The following DNAH6 variants were observed in gnomAD, a reference collection of about 807,000 sequenced individuals.
DNAH6 encodes the protein dynein axonemal heavy chain 6, also known as axonemal beta dynein heavy chain 6.
A neutral mutation model predicts 491.4 loss-of-function variants in DNAH6; 340 were observed. The ratio of observed to expected loss-of-function variants is 0.69; its 90% CI spans 0.63 to 0.76. The LOEUF (loss-of-function observed/expected upper bound fraction) is 0.76. Ranked by LOEUF, DNAH6 falls within the 30% of genes least tolerant of loss-of-function variation. DNAH6 has a pLI of 0.00. For synonymous variants in DNAH6, 1,603 were observed against 1,686.1 expected, an observed-to-expected ratio of 0.95 and a Z score of 1.21; for missense variants, 4,443 against 4,972.2, an observed-to-expected ratio of 0.89 and a Z score of 3.20.
chr2:84,508,543 A>T, the DNAH6 span, among the ~76,000 whole-genome samples: 3 of 152,154 alleles, frequency 2.0e-5, no homozygotes, highest in African/African-American at 7.2e-5. Context: ...GATTTTTTGA[A>T]GGGTTTTTAT....
rs1213228323 is a variant in DNAH6, at chr2:84,573,519, A to C, written c.1856A>C (p.Glu619Ala). 5.7e-6 allele frequency: 9 copies of C among 1,591,970 alleles called. No individual in the cohort carries two copies. Among genetic ancestry groups the C allele is most frequent in the East Asian group, 4.6e-5 (2 of 43,626 alleles). ...ESARIYAATF[E>A]KFQIFFKENE... ...GCCCGCATCTATGCAGCTACCTTTGAAAAGTTCCAGATATTCTTCAAGGAA... is the reference window on the plus strand; with the variant it reads ...GCCCGCATCTATGCAGCTACCTTTGCAAAGTTCCAGATATTCTTCAAGGAA... Residue 619 changes from glutamate (E) to alanine (A), a missense_variant, in exon 12 of 77, where the codon GAA (glutamate) becomes GCA (alanine). By Grantham distance (107) the Glu-to-Ala change is moderately radical. This residue lies in a region of DNAH6 where 2,977 missense variants were observed against 3,296.6 expected (regional missense o/e 0.90). Transcript: ENST00000389394.
chr2:84,489,216 C>G, the DNAH6 span, among the ~76,000 whole-genome samples: 1 of 152,064 alleles, frequency 6.6e-6, no homozygotes, highest in African/African-American at 2.4e-5. Flanking sequence ...GGGTCAACAT[C>G]TAATTGAATA....
At chr2:84,564,035 G>T (rs1680924472) in intron 11 of DNAH6, among the ~76,000 whole-genome samples, 1 of 151,988 alleles carries the variant, frequency 6.6e-6, no homozygotes, top group African/African-American at 2.4e-5. Flanking sequence ...TGGGTTTTCT[G>T]TTCTGTTCTC....
At chr2:84,628,211 T>C (rs917553005) in intron 29 of DNAH6, among the ~76,000 whole-genome samples, 14 of 152,152 alleles carry the variant, frequency 9.2e-5, no homozygotes, top group Non-Finnish European at 1.3e-4. Flanking sequence ...TGGTAAGCAG[T>C]TTCCAGAGAA....
Position 84,597,698 on chromosome 2 carries a change from G to T in DNAH6, c.2868+1909G>T, listed in dbSNP as rs372376016. Among the ~76,000 whole-genome samples the T allele has an allele frequency of 7.2e-5, 11 of 152,194 alleles. No homozygotes were observed. In the East Asian group the frequency reaches 2.1e-3, roughly 29 times the overall value. On this transcript the variant is annotated intron_variant, in intron 18 of 76. Coordinates refer to ENST00000389394, the MANE Select transcript of DNAH6 (RefSeq NM_001370.2). ...GCATTGTTCATAATAGCCAAAAGTAGGGGAAAAAACAAATTTCCATCAATT... is the reference window on the plus strand; with the variant it reads ...GCATTGTTCATAATAGCCAAAAGTATGGGAAAAAACAAATTTCCATCAATT...
intron 57 of DNAH6, among the ~76,000 whole-genome samples, chr2:84,713,474 T>C (rs1021272936): frequency 2.0e-5 from 3 of 152,218 alleles, no homozygotes; most frequent in African/African-American, 7.2e-5. Context: ...TCTAGTTAGG[T>C]TGCAAGCCCC....
the DNAH6 span, among the ~76,000 whole-genome samples, chr2:84,460,896 T>A: frequency 9.2e-5 from 14 of 152,238 alleles, no homozygotes; most frequent in African/African-American, 3.1e-4. Flanking sequence ...CACCAAGGGT[T>A]TTGCCTAGGC....
intron 16 of DNAH6, among the ~76,000 whole-genome samples, chr2:84,590,682 A>G (rs982464812): frequency 6.6e-6 from 1 of 152,082 alleles, no homozygotes; most frequent in Non-Finnish European, 1.5e-5. Flanking sequence ...AGGCAAGTTG[A>G]CAGTCTCTTG....
the DNAH6 span, among the ~76,000 whole-genome samples, chr2:84,488,294 T>C: frequency 2.0e-5 from 3 of 151,962 alleles, no homozygotes; most frequent in Non-Finnish European, 4.4e-5. Context: ...AGTTAGTGGG[T>C]GCAGTGCACC....
Position 84,584,119 on chromosome 2 carries a change from G to A in DNAH6, c.2350G>A (p.Val784Ile), listed in dbSNP as rs1383987490. The change falls in exon 15 of 77, where the codon GTT (valine) becomes ATT (isoleucine). Residue 784 changes from valine (V) to isoleucine (I), a missense_variant. Around this residue, in one of 3 missense-constraint regions of DNAH6, gnomAD observed 2,977 missense variants for 3,296.6 expected, o/e 0.90. Transcript: ENST00000389394. ...TTTTGCAACTATGAAGCCATCCATT[G>A]TTGCTGTTCGGAATGCCATTGATAA... ...AVFATMKPSI[V>I]AVRNAIDKSV... 2 of 1,614,186 alleles carry A rather than the reference G, an allele frequency of 1.2e-6. No individual in the cohort carries two copies. The highest frequency in any genetic ancestry group is 1.7e-6 in the Non-Finnish European group (2 of 1,180,022).
At chr2:84,516,222 G>A (rs1217665543), upstream of DNAH6, among the ~76,000 whole-genome samples, 1 of 152,192 alleles carries the variant, frequency 6.6e-6, no homozygotes, top group African/African-American at 2.4e-5. Flanking sequence ...TGGTCGATAA[G>A]CAACGAAGCA....
intron 13 of DNAH6, among the ~76,000 whole-genome samples, chr2:84,578,336 T>A (rs1468388749): frequency 6.6e-6 from 1 of 152,188 alleles, no homozygotes; most frequent in Non-Finnish European, 1.5e-5. Context: ...CAACAAGCAC[T>A]TTTTAGCTAC....
At chr2:84,647,495 T>C (rs1690014743) in intron 33 of DNAH6, among the ~76,000 whole-genome samples, 1 of 152,172 alleles carries the variant, frequency 6.6e-6, no homozygotes, top group South Asian at 2.1e-4. Context: ...AGTTAGGGGC[T>C]AAAGCAACTG....
At chr2:84,750,372 A>T (rs528594927) in intron 63 of DNAH6, among the ~76,000 whole-genome samples, 1 of 152,036 alleles carries the variant, frequency 6.6e-6, no homozygotes, top group African/African-American at 2.4e-5. Flanking sequence ...TTTTGTAGAA[A>T]TGGGGTTTTG....
In DNAH6 at chr2:84,773,768, A is replaced by G. The variant is rs551288336; in HGVS notation, c.10704-7725A>G. Among the ~76,000 whole-genome samples the G allele has an allele frequency of 1.1e-3, 163 of 152,170 alleles. 5 individuals are homozygous for G. The South Asian group carries it at 0.032, about 30-fold the overall frequency. The stretch of plus-strand genomic sequence containing the variant: ...GCATCTGTTAATTTTTGACTTTTTA[A>G]TAATAGCCATTCTGACTGGTGTGAA... On this transcript the variant is annotated intron_variant, in intron 64 of 76. Transcript: ENST00000389394.
intron 63 of DNAH6, among the ~76,000 whole-genome samples, chr2:84,755,267 C>T (rs1673887299): frequency 6.6e-6 from 1 of 152,218 alleles, no homozygotes; most frequent in South Asian, 2.1e-4. Flanking sequence ...TGCTGTCTTG[C>T]TCTCTTGCCC....
chr2:84,618,608 G>GAAAA (rs34717024), intron 23 of DNAH6, among the ~76,000 whole-genome samples: 1 of 138,826 alleles, frequency 7.2e-6, no homozygotes. Flanking sequence ...CCCGTGATTG[G>GAAAA]AAAAAAAAAA....
Position 84,703,864 on chromosome 2 carries a change from C to T in DNAH6, c.8230-203C>T, listed in dbSNP as rs567017101. Among the ~76,000 whole-genome samples, 3 of 152,234 alleles carry T rather than the reference C, an allele frequency of 2.0e-5. No individual in the cohort carries two copies. The South Asian group carries it at 6.2e-4, about 32-fold the overall frequency. On this transcript the variant is annotated intron_variant, in intron 50 of 76. Transcript: ENST00000389394. ...CAACTATGTCTCTCCTAAGATGGAA[C>T]TGTTTGTTATAATAAGTTTATATTC... is the stretch of plus-strand genomic sequence containing the variant.
the DNAH6 span, among the ~76,000 whole-genome samples, chr2:84,465,758 G>A: frequency 6.6e-6 from 1 of 152,170 alleles, no homozygotes; most frequent in Non-Finnish European, 1.5e-5. Flanking sequence ...CTTCTGAGTA[G>A]CAGTCAGAGA....
Sources: allele counts gnomAD v4.1 joint callset (sites outside exome capture counted in the v4.1 genomes callset), GRCh38; gene constraint gnomAD v4.1.1; regional missense constraint gnomAD v4.1.1; transcripts MANE v1.5; gene names NCBI Gene and HGNC (gene_info 2026-07-23, HGNC 2026-07-21).